PRICKLE3: variants seen among roughly 807,000 people sequenced by gnomAD.
The protein encoded by PRICKLE3 is LIM domain only protein 6.
In PRICKLE3, 17 loss-of-function variants were observed where a neutral mutation model predicts 33.8. The ratio of observed to expected loss-of-function variants is 0.50; its 90% CI spans 0.34 to 0.75. The LOEUF is 0.75. Ranked by LOEUF, PRICKLE3 falls within the 30% of genes least tolerant of loss-of-function variation. PRICKLE3 has a pLI of 0.01. For synonymous variants in PRICKLE3, 211 were observed against 219.6 expected (o/e 0.96, Z 0.34); for missense variants, 573 against 576.7 (o/e 0.99, Z 0.07).
chrX:49,177,315 C>G, intron 7 of PRICKLE3, 113 bp from the exon 8 acceptor site: 1 of 808,282 alleles, frequency 1.2e-6, no homozygotes, highest in Non-Finnish European at 1.7e-6. Flanking sequence ...CAGGGCACCC[C>G]TGGGTGCCTT....
chrX:49,186,179 G>A (rs782121553), intron 1 of PRICKLE3, 77 bp downstream of exon 1: 2 of 1,067,267 alleles, frequency 1.9e-6, no homozygotes, highest in African/African-American at 1.9e-5. Context: ...GCACCTATTC[G>A]CTATGCCTAT....
Position 49,177,050 on chromosome X carries a change from A to G in PRICKLE3, c.1108T>C (p.Ser370Pro). ...CTCGGCCCTGGAGCTGTGGGCTCGGACCCAAGGCTGCAGGCTCGAGAGCAG... is the reference window on the plus strand; with the variant it reads ...CTCGGCCCTGGAGCTGTGGGCTCGGGCCCAAGGCTGCAGGCTCGAGAGCAG... ...IFCSRACSLG[S>P]EPTAPGPSRR... Residue 370 changes from serine (S) to proline (P), a missense_variant, in exon 8 of 9, where the codon TCC (serine) becomes CCC (proline). Physicochemically the swap from Ser to Pro is moderately conservative, Grantham distance 74. Coordinates refer to ENST00000599218, the MANE Select transcript of PRICKLE3 (RefSeq NM_006150.5). 1.7e-6 allele frequency: 2 copies of G among 1,208,486 alleles called. No individual in the cohort carries two copies. Among genetic ancestry groups the G allele is most frequent in the Non-Finnish European group, 2.2e-6 (2 of 893,850 alleles).
intron 3 of PRICKLE3, among the ~76,000 whole-genome samples, chrX:49,180,035 C>CTTTTTT (rs150588040): frequency 7.4e-5 from 4 of 54,389 alleles, no homozygotes; most frequent in African/African-American, 1.5e-4. Flanking sequence ...TGCTGATCAC[C>CTTTTTT]TTTTTTTTTT....
Position 49,178,050 on chromosome X carries a change from A to G in PRICKLE3, c.898T>C (p.Cys300Arg). Reference sequence around the variant, plus strand: ...GCGTGGCGGGCCTCGTAGCAGGCGCAGCAGTGGGGGCGGCTCTGACGCATG... The same window carrying G: ...GCGTGGCGGGCCTCGTAGCAGGCGCGGCAGTGGGGGCGGCTCTGACGCATG... ...YVMRQSRPHCCACYEARHAEY... is the reference protein window; with the variant it reads ...YVMRQSRPHCRACYEARHAEY... The change falls in exon 7 of 9, where the codon TGC becomes CGC. Residue 300 changes from cysteine (C) to arginine (R), a missense_variant. Physicochemically the swap from Cys to Arg is radical, Grantham distance 180 (BLOSUM62 -3). Transcript: ENST00000599218. 1 of 1,159,772 alleles carries G rather than the reference A, an allele frequency of 8.6e-7. No homozygotes were observed. Among genetic ancestry groups the G allele is most frequent in the Admixed American group, 2.6e-5 (1 of 38,179 alleles).
intron 1 of PRICKLE3, 87 bp downstream of exon 1, chrX:49,186,169 G>T: frequency 9.9e-7 from 1 of 1,012,369 alleles, no homozygotes; most frequent in Non-Finnish European, 1.3e-6. Context: ...CCTCTGTGGG[G>T]CACCTATTCG....
rs1228965896 is a variant in PRICKLE3 at position 49,184,302 on chromosome X, T to C, written c.128+323A>G. On this transcript the variant is annotated intron_variant, in intron 2 of 8. Coordinates refer to ENST00000599218, the MANE Select transcript of PRICKLE3 (RefSeq NM_006150.5). Reference sequence around the variant, plus strand: ...GGATAGGACGCTGGGCCTGGGAGAGTAGGTCTGAGTCTAAGAGGGGTGCTG... The same window carrying C: ...GGATAGGACGCTGGGCCTGGGAGAGCAGGTCTGAGTCTAAGAGGGGTGCTG... Among the ~76,000 whole-genome samples, 4 of 108,744 alleles carry C rather than the reference T, an allele frequency of 3.7e-5. No individual in the cohort carries two copies. In the East Asian group the frequency reaches 1.2e-3, roughly 32 times the overall value. 94.4% of individuals were successfully genotyped at this position (108,744 alleles called of 115,157 possible).
rs1557100397 is a variant in PRICKLE3, at chrX:49,178,040, T to C, written c.908A>G (p.Tyr303Cys). 2 of 1,155,988 alleles carry C rather than the reference T, an allele frequency of 1.7e-6. No individual in the cohort carries two copies. Among genetic ancestry groups the C allele is most frequent in the South Asian group, 4.1e-5 (2 of 48,768 alleles). Reference protein sequence around the residue: ...RQSRPHCCACYEARHAEYCDG... With the variant: ...RQSRPHCCACCEARHAEYCDG... ...ACAGTACTCCGCGTGGCGGGCCTCG[T>C]AGCAGGCGCAGCAGTGGGGGCGGCT... Residue 303 changes from tyrosine (Y) to cysteine (C), a missense_variant, in exon 7 of 9, where the codon TAC becomes TGC. Transcript: ENST00000599218.
chrX:49,179,639 G>T, intron 4 of PRICKLE3, 54 bp downstream of exon 4: 1 of 1,002,722 alleles, frequency 1.0e-6, no homozygotes, highest in Non-Finnish European at 1.4e-6. Context: ...GCCCTGCATT[G>T]GCCCAGGCTG....
At chrX:49,184,811 T>A in intron 1 of PRICKLE3, 101 bp from the exon 2 acceptor site, 1 of 1,164,748 alleles carries the variant, frequency 8.6e-7, no homozygotes, top group Non-Finnish European at 1.1e-6. Context: ...GACCGCACGC[T>A]GGGGCCTGTC....
At chrX:49,183,006 T>G (rs1294456267) in intron 3 of PRICKLE3, among the ~76,000 whole-genome samples, 2 of 111,389 alleles carry the variant, frequency 1.8e-5, no homozygotes, top group African/African-American at 3.3e-5. Context: ...GTACTTTTAG[T>G]AGAGACGGGG....
chrX:49,183,633 G>A (rs781965898), intron 3 of PRICKLE3, 101 bp downstream of exon 3: 50 of 1,169,310 alleles, frequency 4.3e-5, no homozygotes, highest in Middle Eastern at 2.3e-4. Flanking sequence ...ACACTCTAGC[G>A]TAGCCCCAGA....
At position 49,177,173 on chromosome X, in the gene PRICKLE3, C is replaced by A. The variant is rs782573903; in HGVS notation, c.985G>T (p.Gly329Cys). 2.5e-6 allele frequency: 3 copies of A among 1,183,139 alleles called. No homozygotes were observed. Among genetic ancestry groups the A allele is most frequent in the Non-Finnish European group, 3.4e-6 (3 of 885,136 alleles). ...GLDQGQMAYEGQHWHASDRCF... is the reference protein window; with the variant it reads ...GLDQGQMAYECQHWHASDRCF... The stretch of plus-strand genomic sequence containing the variant: ...CGGTCTGAGGCATGCCAGTGCTGGC[C>A]CTCGTAAGCCATCTGGCCTTGGTCC... Residue 329 changes from glycine (G) to cysteine (C), a missense_variant, in exon 8 of 9, where the codon GGC (glycine) becomes TGC (cysteine). Transcript: ENST00000599218.
Position 49,175,779 on chromosome X carries a change from T to C in PRICKLE3, c.1742A>G (p.Gln581Arg). ...PPHLCRPMPAQDTAMETFNSP... is the reference protein window; with the variant it reads ...PPHLCRPMPARDTAMETFNSP... ...GTTGAAGGTCTCCATTGCAGTGTCC[T>C]GAGCAGGCATGGGCCTGCACAAATG... The change falls in exon 9 of 9, where the codon CAG (glutamine) becomes CGG (arginine). Residue 581 changes from glutamine to arginine, a missense_variant. By Grantham distance (43) the Gln-to-Arg change is conservative. Transcript: ENST00000599218. The C allele has an allele frequency of 8.3e-7, 1 of 1,211,797 alleles. No individual in the cohort carries two copies. Among genetic ancestry groups the C allele is most frequent in the Non-Finnish European group, 1.1e-6 (1 of 895,327 alleles).
In PRICKLE3 at chrX:49,181,239, G is replaced by A. The variant is rs140197853; in HGVS notation, c.313-1433C>T. 1.1e-4 allele frequency among the ~76,000 whole-genome samples: 12 copies of A among 106,463 alleles called. No homozygotes were observed. In the East Asian group the frequency reaches 2.7e-3, roughly 24 times the overall value. The allele number at this position is 106,463 out of a possible 115,157, so 92.5% of individuals were successfully genotyped here. On this transcript the variant is annotated intron_variant, in intron 3 of 8. Coordinates refer to ENST00000599218, the MANE Select transcript of PRICKLE3 (RefSeq NM_006150.5). ...AAAAATCATCCAGGCGTGATGATGC[G>A]TGCCTGTAGTCCCAGCTACTTGGGA...
rs1557099818 is a variant in PRICKLE3 at position 49,175,781 on chromosome X, A to G, written c.1740T>C (p.Ala580=). The change falls in exon 9 of 9, where the codon GCT becomes GCC. Residue 580 remains alanine (A), a synonymous_variant. Coordinates refer to ENST00000599218, the MANE Select transcript of PRICKLE3 (RefSeq NM_006150.5). ...LPPHLCRPMP[A]QDTAMETFNS... is the part of the protein sequence containing the mutation. Reference sequence around the variant, plus strand: ...TGAAGGTCTCCATTGCAGTGTCCTGAGCAGGCATGGGCCTGCACAAATGCG... The same window carrying G: ...TGAAGGTCTCCATTGCAGTGTCCTGGGCAGGCATGGGCCTGCACAAATGCG... 1.7e-6 allele frequency: 2 copies of G among 1,211,195 alleles called. No homozygotes were observed. The highest frequency in any genetic ancestry group is 3.5e-5 in the South Asian group (2 of 56,992).
chrX:49,179,815 A>G lies in PRICKLE3; in HGVS notation c.313-9T>C. 2 of 1,004,349 alleles carry G rather than the reference A, an allele frequency of 2.0e-6. No homozygotes were observed. The highest frequency in any genetic ancestry group is 2.7e-6 in the Non-Finnish European group (2 of 741,801). 82.8% of individuals were successfully genotyped at this position (1,004,349 alleles called of 1,213,427 possible). Reference sequence around the variant, plus strand: ...CTGAAAAATTGATATACCTGGGAGGACATAGGAGTGGGAGAAAACAACTGA... The same window carrying G: ...CTGAAAAATTGATATACCTGGGAGGGCATAGGAGTGGGAGAAAACAACTGA... On this transcript the variant is annotated splice_polypyrimidine_tract_variant and intron_variant, in intron 3 of 8. Coordinates refer to ENST00000599218, the MANE Select transcript of PRICKLE3 (RefSeq NM_006150.5).
At position 49,176,158 on chromosome X, in the gene PRICKLE3, C is replaced by A; in HGVS notation, c.1363G>T (p.Gly455Cys). ...TCATCTGGGCGCAGGTTAGGCTGGCCGGGGGACTCTGGGGGCGGCTCGGGG... is the reference window on the plus strand; with the variant it reads ...TCATCTGGGCGCAGGTTAGGCTGGCAGGGGGACTCTGGGGGCGGCTCGGGG... Reference protein sequence around the residue: ...SVPEPPPESPGQPNLRPDDSA... With the variant: ...SVPEPPPESPCQPNLRPDDSA... The change falls in exon 9 of 9, where the codon GGC (glycine) becomes TGC (cysteine). Residue 455 changes from glycine to cysteine, a missense_variant. Transcript: ENST00000599218. 1.7e-6 allele frequency: 2 copies of A among 1,194,837 alleles called. No homozygotes were observed. Among genetic ancestry groups the A allele is most frequent in the Non-Finnish European group, 1.1e-6 (1 of 886,727 alleles).
In PRICKLE3 at chrX:49,186,308, G is replaced by T; in HGVS notation, c.-11C>A. On this transcript the variant is annotated 5_prime_UTR_variant, in exon 1 of 9. Coordinates refer to ENST00000599218, the MANE Select transcript of PRICKLE3 (RefSeq NM_006150.5). ...CCCACGCGCGAACATGGCGCGCCCGGGCAGGGTCAAGCCGGGCCGGGTCAG... is the reference window on the plus strand; with the variant it reads ...CCCACGCGCGAACATGGCGCGCCCGTGCAGGGTCAAGCCGGGCCGGGTCAG... The T allele has an allele frequency of 8.8e-7, 1 of 1,140,475 alleles. No homozygotes were observed. The highest frequency in any genetic ancestry group is 3.4e-5 in the East Asian group (1 of 29,099). 94.0% of individuals were successfully genotyped at this position (1,140,475 alleles called of 1,213,427 possible).
At chrX:49,179,644 A>G (rs1557100696) in intron 4 of PRICKLE3, 49 bp downstream of exon 4, 1 of 1,030,473 alleles carries the variant, frequency 9.7e-7, no homozygotes, top group African/African-American at 1.9e-5. Flanking sequence ...GCATTGGCCC[A>G]GGCTGTGTGC....
Sources: allele counts gnomAD v4.1 joint callset (sites outside exome capture counted in the v4.1 genomes callset), GRCh38; gene constraint gnomAD v4.1.1; transcripts MANE v1.5; gene names NCBI Gene and HGNC (gene_info 2026-07-23, HGNC 2026-07-21).